The following SLC26A9 variants were observed in gnomAD, a reference collection of about 807,000 sequenced individuals.
The protein encoded by SLC26A9 is anion transporter/exchanger protein 9.
A neutral mutation model predicts 87.1 loss-of-function variants in SLC26A9; 46 were observed. That is an observed-to-expected ratio of 0.53 (90% CI 0.42 to 0.67). SLC26A9 has a LOEUF of 0.67. Ranked by LOEUF, SLC26A9 falls within the 30% of genes least tolerant of loss-of-function variation. The pLI, the probability that SLC26A9 is intolerant of heterozygous loss-of-function variation, is 0.00. For synonymous variants in SLC26A9, 437 were observed against 409.1 expected (o/e 1.07, Z -0.82); for missense variants, 927 against 1,018.3 (o/e 0.91, Z 1.22).
chr1:205,931,465 G>GTTTTTTTTTTTTTTTTTTTTTTTTTT (rs34820138), intron 5 of SLC26A9, among the ~76,000 whole-genome samples: 1 of 96,012 alleles, frequency 1.0e-5, no homozygotes, highest in Non-Finnish European at 2.0e-5. Context: ...CCCTAACTTG[G>GTTTTTTTTTTTTTTTTTTTTTTTTTT]TTTTTTTTTT....
chr1:205,924,283 G>A (rs1658972668), intron 13 of SLC26A9, 100 bp downstream of exon 13: 3 of 1,112,378 alleles, frequency 2.7e-6, no homozygotes, highest in South Asian at 1.4e-5. Context: ...CCCAGAGGTG[G>A]AAGGTACAGT....
intron 8 of SLC26A9, chr1:205,928,281 C>CG (rs1414322501): frequency 8.8e-6 from 5 of 570,000 alleles, no homozygotes; most frequent in Admixed American, 3.1e-5. Context: ...CCAAGGTCCC[C>CG]GGGCCAGTAT....
Position 205,928,474 on chromosome 1 carries a change from T to A in SLC26A9, c.953+353A>T, listed in dbSNP as rs376495942. On this transcript the variant is annotated intron_variant, in intron 8 of 20. Transcript: ENST00000367135. ...TGCCTGGCACAGAGTGGATGCTTCA[T>A]GAATCTGGTTGAACCTAATAGTTCC... is the stretch of plus-strand genomic sequence containing the variant. The A allele has an allele frequency of 5.4e-5, 22 of 406,418 alleles. 1 individual carries two copies. The highest frequency in any genetic ancestry group is 2.8e-4 in the African/African-American group (14 of 49,706). 25.2% of individuals were successfully genotyped at this position (406,418 alleles called of 1,614,324 possible). A position where few individuals can be genotyped will look rare whatever the true frequency, so the allele number is the denominator to read the frequency against.
At chr1:205,924,528 AAAC>A (rs1658987666) in intron 12 of SLC26A9, 39 bp from the exon 13 acceptor site, 2 of 1,592,702 alleles carry the variant, frequency 1.3e-6, no homozygotes, top group South Asian at 1.1e-5. Context: ...CCTGGGGAAA[AAAC>A]AACCTCTTTC....
At position 205,932,928 on chromosome 1, in the gene SLC26A9, T is replaced by C; in HGVS notation, c.265+17A>G. On this transcript the variant is annotated intron_variant, in intron 3 of 20. Transcript: ENST00000367135. ...AGGGGAGTGGCAATCCAGGCCTGGC[T>C]GAAGGAGCCCCTTCACCTTGTGGGA... The C allele has an allele frequency of 6.2e-7, 1 of 1,613,662 alleles. No individual in the cohort carries two copies. The highest frequency in any genetic ancestry group is 8.5e-7 in the Non-Finnish European group (1 of 1,179,758).
intron 12 of SLC26A9, among the ~76,000 whole-genome samples, chr1:205,924,899 T>C (rs752727210): frequency 2.5e-4 from 38 of 152,194 alleles, no homozygotes; most frequent in Non-Finnish European, 4.6e-4. Context: ...TGAACCCAAG[T>C]TGTGCTCCCG....
In SLC26A9 at chr1:205,927,624, A is replaced by T; in HGVS notation, c.1102-19T>A. 6.2e-7 allele frequency: 1 copy of T among 1,607,578 alleles called. No homozygotes were observed. The highest frequency in any genetic ancestry group is 8.5e-7 in the Non-Finnish European group (1 of 1,176,340). On this transcript the variant is annotated intron_variant, in intron 9 of 20. Coordinates refer to ENST00000367135, the MANE Select transcript of SLC26A9 (RefSeq NM_052934.4). The stretch of plus-strand genomic sequence containing the variant: ...TCATCTCCTGCAGGGAGGGGACAGG[A>T]TTAGAAGCCAGTGTGGGGCTGGGGG...
In SLC26A9 at chr1:205,915,127, C is replaced by A. The variant is rs757873633; in HGVS notation, c.*230G>T. 1.2e-6 allele frequency: 2 copies of A among 1,613,434 alleles called. No individual in the cohort carries two copies. The highest frequency in any genetic ancestry group is 1.7e-6 in the Non-Finnish European group (2 of 1,179,670). On this transcript the variant is annotated 3_prime_UTR_variant, in exon 21 of 21. Transcript: ENST00000367135. ...CAGGGCCTGACGGGTGAAGAGTGGG[C>A]TCACCAGACTCTCACTCCTGTAAGG... is the stretch of plus-strand genomic sequence containing the variant.
At chr1:205,940,204 C>T (rs573520253) in intron 1 of SLC26A9, among the ~76,000 whole-genome samples, 2 of 152,112 alleles carry the variant, frequency 1.3e-5, no homozygotes, top group African/African-American at 4.8e-5. Context: ...ATGCAGGGGT[C>T]GTGCGAGCCG....
At chr1:205,928,766 CT>C in intron 8 of SLC26A9, 60 bp downstream of exon 8, 1 of 1,519,870 alleles carries the variant, frequency 6.6e-7, no homozygotes, top group Admixed American at 1.7e-5. Flanking sequence ...CCTCTCCGAG[CT>C]CAGGCCTTAG....
chr1:205,923,984 A>C (rs943036342), intron 13 of SLC26A9, among the ~76,000 whole-genome samples: 1 of 152,114 alleles, frequency 6.6e-6, no homozygotes, highest in Non-Finnish European at 1.5e-5. Flanking sequence ...CTTCTCTGTA[A>C]TACTCCCAGT....
At chr1:205,923,935 C>T (rs1164111531) in intron 13 of SLC26A9, among the ~76,000 whole-genome samples, 1 of 152,118 alleles carries the variant, frequency 6.6e-6, no homozygotes, top group Non-Finnish European at 1.5e-5. Flanking sequence ...GATAGGATTC[C>T]CCCAACATTC....
At chr1:205,924,066 G>A (rs1402594980) in intron 13 of SLC26A9, among the ~76,000 whole-genome samples, 2 of 152,270 alleles carry the variant, frequency 1.3e-5, no homozygotes, top group East Asian at 3.9e-4. Flanking sequence ...TTGGGGTTCT[G>A]GCAATGTCTT....
chr1:205,939,058 A>C (rs1874361), intron 1 of SLC26A9, among the ~76,000 whole-genome samples: 80,655 of 152,002 alleles, frequency 0.53, 21,611 homozygotes, highest in Middle Eastern at 0.69. Flanking sequence ...TTCCCATGCC[A>C]TCTGCCCATC....
At chr1:205,930,705 C>A (rs558148849) in intron 5 of SLC26A9, among the ~76,000 whole-genome samples, 78 of 152,308 alleles carry the variant, frequency 5.1e-4, no homozygotes, top group South Asian at 2.1e-4. Context: ...CCAGCCACAC[C>A]AAGCCCCTTA....
Position 205,915,094 on chromosome 1 carries a change from A to G in SLC26A9, c.*263T>C, listed in dbSNP as rs1658523301. ...GGTGGAGTGAGCAGGAGGCTTGTCC[A>G]TTGCGGCCAGGGCCTGACGGGTGAA... On this transcript the variant is annotated 3_prime_UTR_variant, in exon 21 of 21. Transcript: ENST00000367135. 1 of 1,613,946 alleles carries G rather than the reference A, an allele frequency of 6.2e-7. No homozygotes were observed. Among genetic ancestry groups the G allele is most frequent in the Non-Finnish European group, 8.5e-7 (1 of 1,179,982 alleles).
At position 205,932,690 on chromosome 1, in the gene SLC26A9, G is replaced by C. The variant is rs1558127579; in HGVS notation, c.376+12C>G. 1.3e-6 allele frequency: 2 copies of C among 1,543,410 alleles called. No homozygotes were observed. The highest frequency in any genetic ancestry group is 3.9e-4 in the Middle Eastern group (2 of 5,094). On this transcript the variant is annotated intron_variant, in intron 4 of 20. Coordinates refer to ENST00000367135, the MANE Select transcript of SLC26A9 (RefSeq NM_052934.4). ...TGGGTCATCCTGCCTGCCCAGAGGG[G>C]AGAGGCCTTACCTGGCACCATCTGG...
chr1:205,941,795 A>T, intron 1 of SLC26A9, among the ~76,000 whole-genome samples: 1 of 152,342 alleles, frequency 6.6e-6, no homozygotes, highest in Non-Finnish European at 1.5e-5. Context: ...AAGACTGACA[A>T]GGTCATGGGC....
Position 205,926,552 on chromosome 1 carries a change from T to C in SLC26A9, c.1372A>G (p.Lys458Glu). The C allele has an allele frequency of 6.2e-7, 1 of 1,614,212 alleles. No individual in the cohort carries two copies. The highest frequency in any genetic ancestry group is 8.5e-7 in the Non-Finnish European group (1 of 1,180,026). The change falls in exon 12 of 21, where the codon AAG (lysine) becomes GAG (glutamate). Residue 458 changes from lysine to glutamate, a missense_variant. Physicochemically the swap from Lys to Glu is moderately conservative, Grantham distance 56 (BLOSUM62 1). Coordinates refer to ENST00000367135, the MANE Select transcript of SLC26A9 (RefSeq NM_052934.4). ...ATACTTACACAGTCCAGCTTGCTCT[T>C]CCTCCACAGGTAGTAGGGGTCGGTG... The part of the protein sequence containing the change: ...QLTDPYYLWR[K>E]SKLDCCIWVV...
Sources: allele counts gnomAD v4.1 joint callset (sites outside exome capture counted in the v4.1 genomes callset), GRCh38; gene constraint gnomAD v4.1.1; transcripts MANE v1.5; gene names NCBI Gene and HGNC (gene_info 2026-07-23, HGNC 2026-07-21).